MACROD2: variants seen among roughly 807,000 people sequenced by gnomAD.
MACROD2 encodes the protein ADP-ribose glycohydrolase MACROD2.
A neutral mutation model predicts 70.4 loss-of-function variants in MACROD2; 36 were observed. That is an observed-to-expected ratio of 0.51 (90% CI 0.39 to 0.68). The LOEUF (loss-of-function observed/expected upper bound fraction) is 0.68. MACROD2 is among the 30% of genes least tolerant of loss of function. The probability of loss-of-function intolerance (pLI) is 0.00; values close to 1 mark genes in which losing one functional copy is unlikely to be tolerated. For synonymous variants in MACROD2, 172 were observed against 178.8 expected, an observed-to-expected ratio of 0.96 and a Z score of 0.30; for missense variants, 496 against 538.4, an observed-to-expected ratio of 0.92 and a Z score of 0.78.
intron 5 of MACROD2, among the ~76,000 whole-genome samples, chr20:14,706,652 T>C (rs551556594): frequency 5.3e-5 from 8 of 152,312 alleles, no homozygotes; most frequent in African/African-American, 1.9e-4. Flanking sequence ...CTTTTCAAAC[T>C]GCAACCAGCC....
intron 3 of MACROD2, among the ~76,000 whole-genome samples, chr20:14,263,546 C>A (rs1223820790): frequency 6.6e-6 from 1 of 152,096 alleles, no homozygotes; most frequent in African/African-American, 2.4e-5. Context: ...ATGAAGCCTC[C>A]AGGGTCAAGC....
chr20:14,176,387 G>T (rs1036836357), intron 3 of MACROD2, among the ~76,000 whole-genome samples: 4 of 152,166 alleles, frequency 2.6e-5, no homozygotes, highest in African/African-American at 7.2e-5. Flanking sequence ...AGTTAAGGTG[G>T]TGACCTCTCA....
chr20:14,368,403 T>C (rs1280351488), intron 3 of MACROD2, among the ~76,000 whole-genome samples: 1 of 151,870 alleles, frequency 6.6e-6, no homozygotes, highest in African/African-American at 2.4e-5. Flanking sequence ...ATTAGCTGAG[T>C]GCGGTGGCGG....
chr20:14,661,043 TC>T (rs1883881392), intron 4 of MACROD2, among the ~76,000 whole-genome samples: 1 of 152,120 alleles, frequency 6.6e-6, no homozygotes, highest in South Asian at 2.1e-4. Flanking sequence ...GGAGAACAAT[TC>T]ATTTTCCTGT....
intron 5 of MACROD2, among the ~76,000 whole-genome samples, chr20:14,990,530 T>C (rs2074892936): frequency 6.7e-6 from 1 of 150,018 alleles, no homozygotes; most frequent in African/African-American, 2.5e-5. Context: ...TTTTTTTTTT[T>C]TGAGATGGAG....
At chr20:15,079,534 C>G (rs2075686467) in intron 5 of MACROD2, among the ~76,000 whole-genome samples, 1 of 152,154 alleles carries the variant, frequency 6.6e-6, no homozygotes, top group South Asian at 2.1e-4. Context: ...AGCCATTAAT[C>G]CCACACACAT....
intron 6 of MACROD2, among the ~76,000 whole-genome samples, chr20:15,351,761 T>A (rs1249976667): frequency 6.6e-6 from 1 of 152,230 alleles, no homozygotes; most frequent in Non-Finnish European, 1.5e-5. Flanking sequence ...CATGGCTATC[T>A]GGCTAACTTT....
intron 3 of MACROD2, among the ~76,000 whole-genome samples, chr20:14,450,542 T>C (rs1013435498): frequency 2.6e-5 from 4 of 152,126 alleles, no homozygotes; most frequent in African/African-American, 9.7e-5. Context: ...AAAAATCACA[T>C]TGAGTTAATG....
At chr20:14,374,848 G>A (rs939546287) in intron 3 of MACROD2, among the ~76,000 whole-genome samples, 3 of 152,110 alleles carry the variant, frequency 2.0e-5, no homozygotes, top group African/African-American at 7.2e-5. Flanking sequence ...TTGATTAGGA[G>A]TTTTTGCTTT....
chr20:14,512,069 G>T (rs888627845), intron 4 of MACROD2, among the ~76,000 whole-genome samples: 1 of 152,128 alleles, frequency 6.6e-6, no homozygotes, highest in African/African-American at 2.4e-5. Flanking sequence ...GAGTAGGGAA[G>T]ATTGAAGAGG....
chr20:16,044,455 T>C (rs2067350898), intron 16 of MACROD2, 116 bp from the exon 17 acceptor site: 1 of 841,740 alleles, frequency 1.2e-6, no homozygotes, highest in Non-Finnish European at 1.8e-6. Context: ...TGAAAACAAA[T>C]GGAAAAGAGG....
At chr20:15,260,214 C>T (rs564648537) in intron 6 of MACROD2, among the ~76,000 whole-genome samples, 23 of 151,598 alleles carry the variant, frequency 1.5e-4, no homozygotes, top group African/African-American at 5.6e-4. Context: ...TATTGTGATA[C>T]TCAATACTAG....
chr20:15,181,861 G>A (rs890071439), intron 5 of MACROD2, among the ~76,000 whole-genome samples: 1 of 151,958 alleles, frequency 6.6e-6, no homozygotes, highest in Non-Finnish European at 1.5e-5. Flanking sequence ...TTTGCAGTTA[G>A]TTATGCCTTT....
At chr20:15,664,840 G>T (rs766286390) in intron 8 of MACROD2, among the ~76,000 whole-genome samples, 1 of 152,142 alleles carries the variant, frequency 6.6e-6, no homozygotes, top group Non-Finnish European at 1.5e-5. Flanking sequence ...CAAAGTCAGG[G>T]TGTGGGGAGG....
intron 3 of MACROD2, among the ~76,000 whole-genome samples, chr20:14,214,797 C>T (rs1023128571): frequency 6.6e-6 from 1 of 151,860 alleles, no homozygotes; most frequent in Non-Finnish European, 1.5e-5. Context: ...TTGCATCATT[C>T]TTATGCTTTT....
intron 5 of MACROD2, among the ~76,000 whole-genome samples, chr20:15,167,953 T>C (rs544088334): frequency 2.4e-4 from 36 of 152,296 alleles, no homozygotes; most frequent in South Asian, 1.2e-3. Flanking sequence ...ATGTGGAATA[T>C]GTAAAATTAG....
Position 15,882,160 on chromosome 20 carries a change from G to A in MACROD2, c.728-3604G>A, listed in dbSNP as rs182684443. On this transcript the variant is annotated intron_variant, in intron 9 of 17. Coordinates refer to ENST00000684519, the MANE Select transcript of MACROD2 (RefSeq NM_001351661.2). Reference sequence around the variant, plus strand: ...ACTAAAAGTAAGCTGACAAAAGGCAGGTTAATAGCAGAAAAATCATACAAA... The same window carrying A: ...ACTAAAAGTAAGCTGACAAAAGGCAAGTTAATAGCAGAAAAATCATACAAA... 2.0e-5 allele frequency among the ~76,000 whole-genome samples: 3 copies of A among 152,192 alleles called. No individual in the cohort carries two copies. The East Asian group carries it at 5.8e-4, about 29-fold the overall frequency.
chr20:14,251,456 C>T (rs2122273142), intron 3 of MACROD2, among the ~76,000 whole-genome samples: 1 of 152,092 alleles, frequency 6.6e-6, no homozygotes, highest in Non-Finnish European at 1.5e-5. Context: ...TTTAACTGAA[C>T]ACACCACACT....
intron 3 of MACROD2, among the ~76,000 whole-genome samples, chr20:14,272,590 T>C (rs376360907): frequency 1.2e-3 from 170 of 146,644 alleles, no homozygotes; most frequent in African/African-American, 3.1e-3. Flanking sequence ...CATCAACTAA[T>C]GAGCAAAATA....
Sources: allele counts gnomAD v4.1 joint callset (sites outside exome capture counted in the v4.1 genomes callset), GRCh38; gene constraint gnomAD v4.1.1; transcripts MANE v1.5; gene names NCBI Gene and HGNC (gene_info 2026-07-23, HGNC 2026-07-21).